Variants in FBXO36 observed in about 807,000 individuals in gnomAD.
FBXO36 encodes the protein F-box protein 36, also known as F-box only protein 36.
Under a neutral mutation model 17.0 loss-of-function variants are expected in FBXO36, and 18 were observed. The observed-to-expected ratio is 1.06, with a 90% CI of 0.73 to 1.57. The LOEUF is 1.57. Among genes scored for constraint, FBXO36 ranks in the 40% most tolerant of loss-of-function variants. The probability of loss-of-function intolerance (pLI) is 0.00; values close to 1 mark genes in which losing one functional copy is unlikely to be tolerated. For missense variants in FBXO36, 229 were observed against 221.9 expected, an observed-to-expected ratio of 1.03 and a Z score of -0.20; for synonymous variants, 83 against 85.3, an observed-to-expected ratio of 0.97 and a Z score of 0.15.
intron 1 of FBXO36, among the ~76,000 whole-genome samples, chr2:229,949,540 C>CACAT (rs1185839249): frequency 7.8e-6 from 1 of 128,084 alleles, no homozygotes; most frequent in Non-Finnish European, 1.9e-5. Flanking sequence ...AAAATGTATA[C>CACAT]ACACACACAC....
At chr2:229,944,298 GC>G (rs1333449388) in intron 1 of FBXO36, among the ~76,000 whole-genome samples, 2 of 152,194 alleles carry the variant, frequency 1.3e-5, no homozygotes, top group Admixed American at 6.5e-5. Context: ...AATAAAGCTA[GC>G]AAACAAAGGA....
At chr2:229,964,160 C>T (rs183067527) in intron 1 of FBXO36, among the ~76,000 whole-genome samples, 24 of 151,960 alleles carry the variant, frequency 1.6e-4, no homozygotes, top group Middle Eastern at 3.4e-3. Context: ...TTCAGTTTAT[C>T]ATTATTTTAT....
chr2:229,949,941 C>A (rs939356981), intron 1 of FBXO36, among the ~76,000 whole-genome samples: 2 of 151,930 alleles, frequency 1.3e-5, no homozygotes, highest in African/African-American at 2.4e-5. Flanking sequence ...AAAACAAAAA[C>A]AAAAACTTGT....
At chr2:229,925,799 G>A (rs923768718) in intron 1 of FBXO36, among the ~76,000 whole-genome samples, 1 of 152,054 alleles carries the variant, frequency 6.6e-6, no homozygotes, top group African/African-American at 2.4e-5. Context: ...AGTAACATTT[G>A]AAATATACTG....
intron 1 of FBXO36, among the ~76,000 whole-genome samples, chr2:229,929,642 G>T (rs1285480622): frequency 6.6e-6 from 1 of 152,012 alleles, no homozygotes; most frequent in Non-Finnish European, 1.5e-5. Context: ...AGAGGATGAA[G>T]CAGATGGATC....
At chr2:229,957,017 A>G (rs2077091972) in intron 1 of FBXO36, among the ~76,000 whole-genome samples, 1 of 152,174 alleles carries the variant, frequency 6.6e-6, no homozygotes, top group Non-Finnish European at 1.5e-5. Flanking sequence ...TAGGACTTCA[A>G]AGTATGTATT....
chr2:230,006,032 TTTTA>T (rs1180948926), intron 3 of FBXO36, among the ~76,000 whole-genome samples: 1 of 152,096 alleles, frequency 6.6e-6, no homozygotes, highest in Non-Finnish European at 1.5e-5. Context: ...TAATTACATT[TTTTA>T]TTTAGTTCTC....
At chr2:229,937,157 A>G (rs2076968254) in intron 1 of FBXO36, among the ~76,000 whole-genome samples, 3 of 152,136 alleles carry the variant, frequency 2.0e-5, no homozygotes, top group African/African-American at 7.2e-5. Context: ...AAAGTGTCCC[A>G]CAATCGTTGG....
intron 1 of FBXO36, among the ~76,000 whole-genome samples, chr2:229,943,763 T>A (rs898961034): frequency 1.3e-5 from 2 of 152,122 alleles, no homozygotes; most frequent in African/African-American, 4.8e-5. Context: ...AGATATTGAA[T>A]CCCATGCCTA....
chr2:229,940,678 A>G (rs1349372953), intron 1 of FBXO36, among the ~76,000 whole-genome samples: 1 of 152,180 alleles, frequency 6.6e-6, no homozygotes, highest in Non-Finnish European at 1.5e-5. Context: ...ACAGAAAGCC[A>G]TGTGATGATG....
chr2:229,991,734 T>G (rs1036953217), intron 2 of FBXO36, among the ~76,000 whole-genome samples: 1 of 152,216 alleles, frequency 6.6e-6, no homozygotes, highest in Non-Finnish European at 1.5e-5. Context: ...AAAACCACAC[T>G]TATATATTTC....
intron 1 of FBXO36, among the ~76,000 whole-genome samples, chr2:229,958,636 A>T (rs2077104693): frequency 6.6e-6 from 1 of 152,098 alleles, no homozygotes; most frequent in Non-Finnish European, 1.5e-5. Flanking sequence ...TTTTGGGGTC[A>T]GGCCTCTATA....
chr2:229,937,753 G>A lies in FBXO36; in HGVS notation c.96+15144G>A, dbSNP rs151079525. The A allele has an allele frequency of 8.3e-3, 1,259 of 152,058 alleles. 14 individuals carry two copies. The highest frequency in any genetic ancestry group is 8.9e-3 in the Non-Finnish European group (602 of 68,010). 9.4% of individuals were successfully genotyped at this position (152,058 alleles called of 1,614,324 possible). On this transcript the variant is annotated intron_variant, in intron 1 of 3. Coordinates refer to ENST00000283946, the MANE Select transcript of FBXO36 (RefSeq NM_174899.5). Reference sequence around the variant, plus strand: ...GCCACACCCTGCATAACACACTGTAGAACACATGGGTTTCTCTCTCTTTTT... The same window carrying A: ...GCCACACCCTGCATAACACACTGTAAAACACATGGGTTTCTCTCTCTTTTT...
rs61356327 is a variant in FBXO36 at position 229,942,020 on chromosome 2, GA to G, written c.96+19423del. The stretch of plus-strand genomic sequence containing the variant: ...GACAGAGCAAGGCTCAGTCTAAAAA[GA>G]AAAAAAAAAAATTTAGATGGGCTTA... On this transcript the variant is annotated intron_variant, in intron 1 of 3. Coordinates refer to ENST00000283946, the MANE Select transcript of FBXO36 (RefSeq NM_174899.5). Among the ~76,000 whole-genome samples the G allele has an allele frequency of 4.7e-3, 682 of 144,878 alleles. 5 individuals are homozygous for G. Among genetic ancestry groups the G allele is most frequent in the African/African-American group, 0.016 (624 of 39,778 alleles).
At chr2:229,980,981 T>C (rs1365298247) in intron 2 of FBXO36, among the ~76,000 whole-genome samples, 2 of 152,132 alleles carry the variant, frequency 1.3e-5, no homozygotes, top group African/African-American at 4.8e-5. Flanking sequence ...CACCCCCTTC[T>C]TAGAGAATCC....
At chr2:229,996,302 T>C (rs929373748) in intron 2 of FBXO36, among the ~76,000 whole-genome samples, 2 of 151,596 alleles carry the variant, frequency 1.3e-5, no homozygotes, top group African/African-American at 4.8e-5. Context: ...AGAGATCAAA[T>C]GTCAGCTAAA....
At chr2:229,969,236 G>A (rs1442494401) in intron 1 of FBXO36, among the ~76,000 whole-genome samples, 1 of 147,720 alleles carries the variant, frequency 6.8e-6, no homozygotes, top group Admixed American at 6.7e-5. Context: ...TCTTTTTTGA[G>A]ACAGGGTCAC....
intron 2 of FBXO36, among the ~76,000 whole-genome samples, chr2:229,991,411 C>A: frequency 6.6e-6 from 1 of 152,106 alleles, no homozygotes; most frequent in East Asian, 1.9e-4. Flanking sequence ...TAAATAAGGT[C>A]TTTAAGTTGG....
intron 1 of FBXO36, among the ~76,000 whole-genome samples, chr2:229,968,769 AATT>A (rs1182562472): frequency 1.3e-5 from 2 of 151,742 alleles, no homozygotes; most frequent in East Asian, 3.9e-4. Flanking sequence ...TGCCCGGCCA[AATT>A]ATTATTATTA....
Sources: gnomAD v4.1 joint callset for allele counts (sites outside exome capture counted in the v4.1 genomes callset) on GRCh38, gnomAD v4.1.1 for gene constraint, MANE v1.5 for transcripts, NCBI Gene and HGNC (gene_info 2026-07-23, HGNC 2026-07-21) for gene names.